ESCO2: variants seen among roughly 807,000 people sequenced by gnomAD.
The protein encoded by ESCO2 is N-acetyltransferase ESCO2.
ESCO2 carries 51 observed loss-of-function variants against 61.7 expected under a neutral mutation model. The ratio of observed to expected loss-of-function variants is 0.83; its 90% CI spans 0.66 to 1.04. The LOEUF (loss-of-function observed/expected upper bound fraction) is 1.04. Ranked by LOEUF, ESCO2 falls within the 50% of genes least tolerant of loss-of-function variation. The probability of loss-of-function intolerance (pLI) is 0.00; values close to 1 mark genes in which losing one functional copy is unlikely to be tolerated. For missense variants in ESCO2, 692 were observed against 686.2 expected, an observed-to-expected ratio of 1.01 and a Z score of -0.09; for synonymous variants, 230 against 238.2, an observed-to-expected ratio of 0.97 and a Z score of 0.32.
At position 27,804,690 on chromosome 8, in the gene ESCO2, T is replaced by C; in HGVS notation, c.*1252T>C. The C allele has an allele frequency of 2.0e-6, 2 of 985,432 alleles. No homozygotes were observed. The highest frequency in any genetic ancestry group is 2.4e-6 in the Non-Finnish European group (2 of 829,918). The allele number at this position is 985,432 out of a possible 1,614,324, so 61.0% of individuals were successfully genotyped here. A position where few individuals can be genotyped will look rare whatever the true frequency, so the allele number is the denominator to read the frequency against. On this transcript the variant is annotated 3_prime_UTR_variant, in exon 11 of 11. Transcript: ENST00000305188. ...TGTAGAAACTATTCATCTGCATTCA[T>C]TTTATTTGCCTGTAAGTTAACATGT...
chr8:27,780,616 A>T (rs1175139170), intron 4 of ESCO2, among the ~76,000 whole-genome samples: 1 of 152,228 alleles, frequency 6.6e-6, no homozygotes, highest in African/African-American at 2.4e-5. Context: ...ACTATTATGT[A>T]TATTTGTGAT....
At chr8:27,798,997 A>T (rs1284145374) in intron 9 of ESCO2, among the ~76,000 whole-genome samples, 1 of 152,166 alleles carries the variant, frequency 6.6e-6, no homozygotes, top group African/African-American at 2.4e-5. Context: ...AACTATACAC[A>T]CCATTATACC....
downstream of ESCO2, among the ~76,000 whole-genome samples, chr8:27,813,928 T>TTATC (rs1805757798): frequency 6.6e-6 from 1 of 151,968 alleles, no homozygotes; most frequent in Admixed American, 6.6e-5. Flanking sequence ...ATCAGTTTAT[T>TTATC]TTTCTGTGTA....
Position 27,791,821 on chromosome 8 carries a change from A to G in ESCO2, c.1264-142A>G, listed in dbSNP as rs1221736823. 4.0e-6 allele frequency: 3 copies of G among 748,372 alleles called. No homozygotes were observed. The Admixed American group carries it at 7.1e-5, about 18-fold the overall frequency. 46.4% of individuals were successfully genotyped at this position (748,372 alleles called of 1,614,324 possible). A position where few individuals can be genotyped will look rare whatever the true frequency, so the allele number is the denominator to read the frequency against. Reference sequence around the variant, plus strand: ...AGGCATCTTTTATTTCTCTTCCCACATTACTTTTAGTTGGATTTCATCTTC... The same window carrying G: ...AGGCATCTTTTATTTCTCTTCCCACGTTACTTTTAGTTGGATTTCATCTTC... On this transcript the variant is annotated intron_variant, in intron 7 of 10. Coordinates refer to ENST00000305188, the MANE Select transcript of ESCO2 (RefSeq NM_001017420.3).
At position 27,787,962 on chromosome 8, in the gene ESCO2, C is replaced by G; in HGVS notation, c.1091C>G (p.Thr364Ser). The G allele has an allele frequency of 6.2e-7, 1 of 1,613,492 alleles. No homozygotes were observed. The highest frequency in any genetic ancestry group is 8.5e-7 in the Non-Finnish European group (1 of 1,179,696). The change falls in exon 6 of 11, where the codon ACC becomes AGC. Residue 364 changes from threonine (T) to serine (S), a missense_variant. Transcript: ENST00000305188. ...KQTNIQKNTN[T>S]RDTSKKTKDQ... is the part of the protein sequence containing the mutation. ...ACCAATATCCAGAAAAATACTAATA[C>G]CAGAGATACAAGTAAAAAAACAAAA...
In ESCO2 at chr8:27,804,620, T is replaced by C. The variant is rs1805522407; in HGVS notation, c.*1182T>C. Reference sequence around the variant, plus strand: ...TCTGAAAAATCATTCAACTGCTAACTGGCAATAAGACTCTAGGCAAGTCGT... The same window carrying C: ...TCTGAAAAATCATTCAACTGCTAACCGGCAATAAGACTCTAGGCAAGTCGT... On this transcript the variant is annotated 3_prime_UTR_variant, in exon 11 of 11. Transcript: ENST00000305188. 1 of 985,324 alleles carries C rather than the reference T, an allele frequency of 1.0e-6. No homozygotes were observed. The highest frequency in any genetic ancestry group is 1.7e-5 in the African/African-American group (1 of 57,250). The allele number at this position is 985,324 out of a possible 1,614,324, so 61.0% of individuals were successfully genotyped here.
chr8:27,815,419 T>G (rs533456265), downstream of ESCO2, among the ~76,000 whole-genome samples: 25 of 152,324 alleles, frequency 1.6e-4, no homozygotes, highest in African/African-American at 5.8e-4. Context: ...TTAGTTCTGC[T>G]TTGGGCATTA....
intron 1 of ESCO2, among the ~76,000 whole-genome samples, chr8:27,775,239 G>A (rs555648930): frequency 2.6e-5 from 4 of 152,186 alleles, no homozygotes; most frequent in African/African-American, 4.8e-5. Context: ...AGTTACAGAC[G>A]GTCTCTGCCT....
downstream of ESCO2, among the ~76,000 whole-genome samples, chr8:27,816,357 A>ATG (rs1805812374): frequency 7.5e-6 from 1 of 132,512 alleles, no homozygotes; most frequent in African/African-American, 2.9e-5. Context: ...ATATATATAT[A>ATG]TTTATTTATT....
rs1338251546 is a variant in ESCO2 at position 27,803,727 on chromosome 8, T to C, written c.*289T>C. On this transcript the variant is annotated 3_prime_UTR_variant, in exon 11 of 11. Transcript: ENST00000305188. ...AACTTTGTAGCTATAACTGGAAAAT[T>C]ACCTGACTCTTTGTAAGAGTATTAA... 8.5e-7 allele frequency: 1 copy of C among 1,171,908 alleles called. No homozygotes were observed. The highest frequency in any genetic ancestry group is 1.6e-5 in the African/African-American group (1 of 62,190). The allele number at this position is 1,171,908 out of a possible 1,614,324, so 72.6% of individuals were successfully genotyped here. A position where few individuals can be genotyped will look rare whatever the true frequency, so the allele number is the denominator to read the frequency against.
chr8:27,799,833 A>G, intron 10 of ESCO2, 117 bp downstream of exon 10: 1 of 1,228,270 alleles, frequency 8.1e-7, no homozygotes, highest in African/African-American at 1.7e-5. Flanking sequence ...AAATACTATT[A>G]AAGTCAGGCT....
At chr8:27,772,164 T>G, upstream of ESCO2, 6 of 380,494 alleles carry the variant, frequency 1.6e-5, no homozygotes, top group South Asian at 3.8e-5. Flanking sequence ...AGGCCGCAGA[T>G]GGAAGGTGGG....
At chr8:27,788,267 T>G (rs1487460613) in intron 6 of ESCO2, among the ~76,000 whole-genome samples, 2 of 152,136 alleles carry the variant, frequency 1.3e-5, no homozygotes, top group Non-Finnish European at 2.9e-5. Flanking sequence ...TAAGGAAAAA[T>G]ATTGTATAAT....
At chr8:27,772,939 C>T (rs1804686376), upstream of ESCO2, among the ~76,000 whole-genome samples, 1 of 151,646 alleles carries the variant, frequency 6.6e-6, no homozygotes, top group African/African-American at 2.4e-5. Flanking sequence ...TTCTGATACT[C>T]ACCAGGACAA....
chr8:27,796,626 G>A (rs1805302826), intron 9 of ESCO2, among the ~76,000 whole-genome samples: 2 of 151,928 alleles, frequency 1.3e-5, no homozygotes. Context: ...TAATTTCTTT[G>A]ATCCATTGGT....
intron 9 of ESCO2, among the ~76,000 whole-genome samples, chr8:27,796,279 G>A (rs1471087788): frequency 6.6e-6 from 1 of 151,944 alleles, no homozygotes; most frequent in African/African-American, 2.4e-5. Flanking sequence ...CAGTTGTAAT[G>A]TCTCCTCTTT....
In ESCO2 at chr8:27,803,940, T is replaced by C. The variant is rs1805509877; in HGVS notation, c.*502T>C. ...TTTTTAATAGAGGCATGGGTCTCAC[T>C]GTGTTGCCCAGGCTGGTCTGAAACT... is the stretch of plus-strand genomic sequence containing the variant. On this transcript the variant is annotated 3_prime_UTR_variant, in exon 11 of 11. Transcript: ENST00000305188. 2 of 988,414 alleles carry C rather than the reference T, an allele frequency of 2.0e-6. No homozygotes were observed. The highest frequency in any genetic ancestry group is 2.4e-6 in the Non-Finnish European group (2 of 834,614). The allele number at this position is 988,414 out of a possible 1,614,324, so 61.2% of individuals were successfully genotyped here.
chr8:27,790,860 T>C (rs149036579), intron 7 of ESCO2, among the ~76,000 whole-genome samples: 38 of 152,350 alleles, frequency 2.5e-4, no homozygotes, highest in Admixed American at 6.5e-4. Flanking sequence ...GGGTTTGTTA[T>C]TGGACACTTC....
In ESCO2 at chr8:27,776,380, A is replaced by C; in HGVS notation, c.72A>C (p.Glu24Asp). The C allele has an allele frequency of 6.2e-7, 1 of 1,606,420 alleles. No individual in the cohort carries two copies. Among genetic ancestry groups the C allele is most frequent in the Non-Finnish European group, 8.5e-7 (1 of 1,176,246 alleles). The change falls in exon 3 of 11, where the codon GAA (glutamate) becomes GAC (aspartate). Residue 24 changes from glutamate (E) to aspartate (D), a missense_variant. Coordinates refer to ENST00000305188, the MANE Select transcript of ESCO2 (RefSeq NM_001017420.3). ...LKCDSLLHFT[E>D]NLFPSPNKKH... ...TTTATAGCCTTTTACACTTCACTGAAAATCTGTTTCCATCACCTAATAAAA... is the reference window on the plus strand; with the variant it reads ...TTTATAGCCTTTTACACTTCACTGACAATCTGTTTCCATCACCTAATAAAA...
Sources: gnomAD v4.1 joint callset for allele counts (sites outside exome capture counted in the v4.1 genomes callset) on GRCh38, gnomAD v4.1.1 for gene constraint, MANE v1.5 for transcripts, NCBI Gene and HGNC (gene_info 2026-07-23, HGNC 2026-07-21) for gene names.